The following SLC10A7 variants were observed in gnomAD, a reference collection of about 807,000 sequenced individuals.
The protein encoded by SLC10A7 is sodium/bile acid cotransporter 7.
A neutral mutation model predicts 43.2 loss-of-function variants in SLC10A7; 29 were observed. The observed-to-expected ratio is 0.67, with a 90% CI of 0.50 to 0.92. The LOEUF is 0.92. Ranked by LOEUF, SLC10A7 falls within the 40% of genes least tolerant of loss-of-function variation. The pLI, the probability that SLC10A7 is intolerant of heterozygous loss-of-function variation, is 0.00. For missense variants in SLC10A7, 295 were observed against 403.2 expected, an observed-to-expected ratio of 0.73 and a Z score of 2.30; for synonymous variants, 152 against 144.8, an observed-to-expected ratio of 1.05 and a Z score of -0.35.
chr4:146,381,242 T>C (rs1737597109), intron 5 of SLC10A7, among the ~76,000 whole-genome samples: 1 of 152,176 alleles, frequency 6.6e-6, no homozygotes, highest in African/African-American at 2.4e-5. Context: ...AATAGAATGA[T>C]GTAAAACAGA....
intron 7 of SLC10A7, among the ~76,000 whole-genome samples, chr4:146,298,734 G>A (rs1182029834): frequency 6.6e-6 from 1 of 152,148 alleles, no homozygotes; most frequent in Non-Finnish European, 1.5e-5. Context: ...ATGACAGCCG[G>A]CACAAATTTT....
intron 5 of SLC10A7, among the ~76,000 whole-genome samples, chr4:146,434,460 C>T (rs1203765104): frequency 6.6e-6 from 1 of 152,108 alleles, no homozygotes; most frequent in African/African-American, 2.4e-5. Context: ...AGATACAAAC[C>T]TTATGATAAA....
At chr4:146,508,942 C>G (rs1485624019) in intron 3 of SLC10A7, among the ~76,000 whole-genome samples, 1 of 152,130 alleles carries the variant, frequency 6.6e-6, no homozygotes, top group Non-Finnish European at 1.5e-5. Flanking sequence ...GGTATTTTTC[C>G]TCTACATCAC....
chr4:146,521,495 GGCTGGTCAGT>G (rs1321018414), intron 1 of SLC10A7, 113 bp downstream of exon 1: 1 of 750,620 alleles, frequency 1.3e-6, no homozygotes, highest in East Asian at 2.6e-5. Context: ...AAGGGCCAAA[GGCTGGTCAGT>G]GCCCCCTGAA....
At chr4:146,409,392 G>A (rs1430245531) in intron 5 of SLC10A7, among the ~76,000 whole-genome samples, 1 of 149,480 alleles carries the variant, frequency 6.7e-6, no homozygotes, top group African/African-American at 2.4e-5. Flanking sequence ...ATGATTCAAT[G>A]TATAGGGTGT....
At chr4:146,430,724 A>G (rs950086916) in intron 5 of SLC10A7, among the ~76,000 whole-genome samples, 8 of 152,152 alleles carry the variant, frequency 5.3e-5, no homozygotes, top group Admixed American at 3.9e-4. Flanking sequence ...GAGTATAACC[A>G]TCCCCGGACA....
At chr4:146,286,533 T>C (rs368676752) in intron 9 of SLC10A7, among the ~76,000 whole-genome samples, 46 of 78,388 alleles carry the variant, frequency 5.9e-4, no homozygotes, top group South Asian at 2.9e-3. Flanking sequence ...AGAAGGACTG[T>C]GTTTGGAGTG....
intron 10 of SLC10A7, among the ~76,000 whole-genome samples, chr4:146,275,620 T>C (rs1729155418): frequency 6.6e-6 from 1 of 152,102 alleles, no homozygotes; most frequent in African/African-American, 2.4e-5. Flanking sequence ...AAGCTGGTCA[T>C]GTATAAGTTC....
chr4:146,469,527 G>A (rs959268948), intron 4 of SLC10A7, among the ~76,000 whole-genome samples: 1 of 152,168 alleles, frequency 6.6e-6, no homozygotes, highest in South Asian at 2.1e-4. Context: ...AATTCCTACT[G>A]TGTATAAAAA....
chr4:146,432,706 A>G (rs1295745252), intron 5 of SLC10A7, among the ~76,000 whole-genome samples: 3 of 152,226 alleles, frequency 2.0e-5, no homozygotes, highest in Non-Finnish European at 4.4e-5. Context: ...AACTGACAGG[A>G]CTATACCTCT....
chr4:146,304,365 G>C (rs1197453902), intron 7 of SLC10A7, among the ~76,000 whole-genome samples: 1 of 151,898 alleles, frequency 6.6e-6, no homozygotes, highest in Non-Finnish European at 1.5e-5. Flanking sequence ...ATAAGGTAAA[G>C]ACTTGCTAGA....
chr4:146,360,024 G>T (rs1247001604), intron 5 of SLC10A7, among the ~76,000 whole-genome samples: 2 of 152,058 alleles, frequency 1.3e-5, no homozygotes, highest in African/African-American at 2.4e-5. Flanking sequence ...GTTGGATTTG[G>T]ATTTCTAACC....
chr4:146,429,792 T>G (rs1729635914), intron 5 of SLC10A7, among the ~76,000 whole-genome samples: 2 of 151,744 alleles, frequency 1.3e-5, no homozygotes, highest in Non-Finnish European at 2.9e-5. Context: ...GATAATAGAA[T>G]GGATGGGAAC....
At chr4:146,440,832 G>A (rs1377794237) in intron 5 of SLC10A7, among the ~76,000 whole-genome samples, 6 of 152,186 alleles carry the variant, frequency 3.9e-5, no homozygotes, top group African/African-American at 1.4e-4. Context: ...GCTTCTGCCT[G>A]TCTGCCATTG....
chr4:146,439,077 G>A (rs1730416280), intron 5 of SLC10A7, among the ~76,000 whole-genome samples: 1 of 151,930 alleles, frequency 6.6e-6, no homozygotes, highest in African/African-American at 2.4e-5. Context: ...AATGAGAGGA[G>A]GAGATAATGA....
chr4:146,478,566 C>T (rs1170128108), intron 4 of SLC10A7, among the ~76,000 whole-genome samples: 1 of 152,034 alleles, frequency 6.6e-6, no homozygotes, highest in Non-Finnish European at 1.5e-5. Context: ...ATTCCTCACC[C>T]ATCTGTTGGG....
intron 5 of SLC10A7, among the ~76,000 whole-genome samples, chr4:146,326,366 G>A (rs1733103266): frequency 1.3e-5 from 2 of 152,298 alleles, no homozygotes; most frequent in South Asian, 4.1e-4. Flanking sequence ...TTTGAGAGAA[G>A]ACAGGTGGTT....
intron 5 of SLC10A7, among the ~76,000 whole-genome samples, chr4:146,341,142 G>A (rs967422848): frequency 2.6e-5 from 4 of 151,830 alleles, no homozygotes; most frequent in Non-Finnish European, 5.9e-5. Context: ...TTGAATATAT[G>A]TAATGAGTAA....
intron 6 of SLC10A7, among the ~76,000 whole-genome samples, chr4:146,310,584 G>A (rs753319411): frequency 6.6e-5 from 10 of 152,030 alleles, no homozygotes; most frequent in Admixed American, 3.9e-4. Context: ...CTGATGTTGA[G>A]CTTTTTTTCC....
Sources: allele counts gnomAD v4.1 joint callset (sites outside exome capture counted in the v4.1 genomes callset), GRCh38; gene constraint gnomAD v4.1.1; transcripts MANE v1.5; gene names NCBI Gene and HGNC (gene_info 2026-07-23, HGNC 2026-07-21).